Variants in ABLIM3 observed in about 807,000 individuals in gnomAD.
The protein encoded by ABLIM3 is actin binding LIM protein family member 3.
A neutral mutation model predicts 109.5 loss-of-function variants in ABLIM3; 61 were observed. The observed-to-expected ratio is 0.56, with a 90% confidence interval of 0.45 to 0.69. The LOEUF (loss-of-function observed/expected upper bound fraction) is 0.69, where lower values mean the gene tolerates loss of function less well. Ranked by LOEUF, ABLIM3 falls within the 30% of genes least tolerant of loss-of-function variation. The probability of loss-of-function intolerance (pLI) is 0.00; values close to 1 mark genes in which losing one functional copy is unlikely to be tolerated. For missense variants in ABLIM3, 796 were observed against 889.5 expected (o/e 0.89, Z 1.34); for synonymous variants, 300 against 324.8 (o/e 0.92, Z 0.82).
At chr5:149,205,621 A>G (rs1758892765) in intron 5 of ABLIM3, among the ~76,000 whole-genome samples, 1 of 152,134 alleles carries the variant, frequency 6.6e-6, no homozygotes, top group Non-Finnish European at 1.5e-5. Context: ...ATTATTGGGC[A>G]GGGGGTGCAA....
intron 8 of ABLIM3, among the ~76,000 whole-genome samples, chr5:149,226,150 A>G (rs975517727): frequency 6.6e-6 from 1 of 151,414 alleles, no homozygotes. Flanking sequence ...TGCTGCTGTC[A>G]TAAAGGCAGA....
chr5:149,188,894 C>A (rs1168165032), intron 3 of ABLIM3, among the ~76,000 whole-genome samples: 3 of 152,200 alleles, frequency 2.0e-5, no homozygotes, highest in East Asian at 3.9e-4. Context: ...TTTCAAGGGA[C>A]GGACATAGAA....
In ABLIM3 at chr5:149,258,920, T is replaced by C; in HGVS notation, c.*516T>C. On this transcript the variant is annotated 3_prime_UTR_variant, in exon 24 of 24. Transcript: ENST00000309868. ...CCCAATTAGGAGCTCAGTGCTCTCT[T>C]GGGGCAATGCAGTTAAAAGGGTGAG... 24 of 990,870 alleles carry C rather than the reference T, an allele frequency of 2.4e-5. No individual in the cohort carries two copies. The highest frequency in any genetic ancestry group is 2.9e-5 in the Non-Finnish European group (24 of 833,526). The allele number at this position is 990,870 out of a possible 1,614,324, so 61.4% of individuals were successfully genotyped here.
At chr5:149,170,371 G>T (rs1045131793) in intron 2 of ABLIM3, among the ~76,000 whole-genome samples, 2 of 151,972 alleles carry the variant, frequency 1.3e-5, no homozygotes, top group African/African-American at 4.8e-5. Context: ...TAGCAACCAG[G>T]TGGCTTTTCT....
intron 10 of ABLIM3, among the ~76,000 whole-genome samples, chr5:149,236,007 C>T (rs1762309570): frequency 6.6e-6 from 1 of 152,226 alleles, no homozygotes; most frequent in South Asian, 2.1e-4. Context: ...CATGCCCAGC[C>T]CACAGCCAGC....
Position 149,207,049 on chromosome 5 carries a change from C to G in ABLIM3, c.490C>G (p.Leu164Val), listed in dbSNP as rs1759050857. The change falls in exon 6 of 24, where the codon CTC (leucine) becomes GTC (valine). Residue 164 changes from leucine (L) to valine (V), a missense_variant. Physicochemically the swap from Leu to Val is conservative, Grantham distance 32. Coordinates refer to ENST00000309868, the MANE Select transcript of ABLIM3 (RefSeq NM_014945.5). ...GGAGGAGATCAAGCACGGCCAGTCA[C>G]TCCTGGCTCTGGACAAGCAGTGGCA... is the stretch of plus-strand genomic sequence containing the variant. The part of the protein sequence containing the change: ...CKEEIKHGQS[L>V]LALDKQWHVS... 1 of 1,613,954 alleles carries G rather than the reference C, an allele frequency of 6.2e-7. No individual in the cohort carries two copies. Among genetic ancestry groups the G allele is most frequent in the Non-Finnish European group, 8.5e-7 (1 of 1,179,998 alleles).
At chr5:149,206,814 C>A (rs900079528) in intron 5 of ABLIM3, among the ~76,000 whole-genome samples, 194 bp from the exon 6 acceptor site, 1 of 151,932 alleles carries the variant, frequency 6.6e-6, no homozygotes. Flanking sequence ...TACACCAAGA[C>A]CCCTTGTCAA....
In ABLIM3 at chr5:149,249,821, G is replaced by C. The variant is rs200975346; in HGVS notation, c.1706G>C (p.Arg569Pro). 1.9e-6 allele frequency: 3 copies of C among 1,613,950 alleles called. No homozygotes were observed. The highest frequency in any genetic ancestry group is 1.3e-5 in the African/African-American group (1 of 74,882). ...CAGCTTTTCTCTCCTGCAGCCCCTC[G>C]GTCGCACTACCTGGCTGACAGTGGT... is the stretch of plus-strand genomic sequence containing the variant. ...GYEMSLNGSP[R>P]SHYLADSDPL... The change falls in exon 19 of 24, where the codon CGG becomes CCG. Residue 569 changes from arginine (R) to proline (P), a missense_variant. By Grantham distance (103) the Arg-to-Pro change is moderately radical. Coordinates refer to ENST00000309868, the MANE Select transcript of ABLIM3 (RefSeq NM_014945.5).
At chr5:149,225,982 G>GTGTATATATA (rs1272837276) in intron 8 of ABLIM3, among the ~76,000 whole-genome samples, 3 of 45,518 alleles carry the variant, frequency 6.6e-5, no homozygotes, top group Admixed American at 3.2e-4. Flanking sequence ...GTGTGTGTGT[G>GTGTATATATA]TATATATATA....
rs757088335 is a variant in ABLIM3 at position 149,247,636 on chromosome 5, T to C, written c.1552-146T>C. The C allele has an allele frequency of 1.2e-5, 12 of 1,016,534 alleles. 1 individual carries two copies. In the South Asian group the frequency reaches 1.5e-4, roughly 13 times the overall value. 63.0% of individuals were successfully genotyped at this position (1,016,534 alleles called of 1,614,324 possible). On this transcript the variant is annotated intron_variant, in intron 17 of 23. Transcript: ENST00000309868. Reference sequence around the variant, plus strand: ...ATGAGATTGCAACAGGAAACATGGGTGCCACAAGGTGGGAGGGACGCTGGG... The same window carrying C: ...ATGAGATTGCAACAGGAAACATGGGCGCCACAAGGTGGGAGGGACGCTGGG...
At chr5:149,145,888 C>T (rs747794339) in intron 2 of ABLIM3, among the ~76,000 whole-genome samples, 6 of 151,980 alleles carry the variant, frequency 3.9e-5, no homozygotes, top group Admixed American at 6.6e-5. Context: ...CAAGCTCAAG[C>T]GATCCTCCCA....
intron 2 of ABLIM3, among the ~76,000 whole-genome samples, chr5:149,177,591 A>AG (rs1756059213): frequency 6.6e-6 from 1 of 152,196 alleles, no homozygotes. Context: ...CTCCAGAGAT[A>AG]GGGGGAGAAA....
intron 3 of ABLIM3, among the ~76,000 whole-genome samples, chr5:149,190,497 T>A (rs1051956639): frequency 6.6e-6 from 1 of 152,028 alleles, no homozygotes; most frequent in Admixed American, 6.6e-5. Context: ...CTGGGCAACA[T>A]AGCGAAGCCT....
chr5:149,192,648 A>G (rs1036710755), intron 3 of ABLIM3, among the ~76,000 whole-genome samples: 23 of 150,942 alleles, frequency 1.5e-4, no homozygotes, highest in African/African-American at 4.6e-4. Flanking sequence ...AAAAAAAAAA[A>G]AAAGAAAGAA....
At chr5:149,252,396 T>C in intron 22 of ABLIM3, 188 bp downstream of exon 22, 1 of 597,868 alleles carries the variant, frequency 1.7e-6, no homozygotes, top group Non-Finnish European at 2.9e-6. Flanking sequence ...GCCCTAGGTC[T>C]CTTGCCTACT....
At chr5:149,199,402 C>A (rs1758292696) in intron 4 of ABLIM3, among the ~76,000 whole-genome samples, 2 of 152,138 alleles carry the variant, frequency 1.3e-5, no homozygotes, top group Admixed American at 1.3e-4. Context: ...AACATAATCC[C>A]CTCGTGGAAT....
chr5:149,208,018 G>A (rs1285286295), intron 6 of ABLIM3, among the ~76,000 whole-genome samples: 1 of 152,244 alleles, frequency 6.6e-6, no homozygotes, highest in Non-Finnish European at 1.5e-5. Flanking sequence ...CTGATGCCAG[G>A]CAGTGGCAAG....
At position 149,258,462 on chromosome 5, in the gene ABLIM3, C is replaced by A; in HGVS notation, c.*58C>A. 1.3e-6 allele frequency: 2 copies of A among 1,540,312 alleles called. No homozygotes were observed. The highest frequency in any genetic ancestry group is 1.7e-6 in the Non-Finnish European group (2 of 1,149,754). On this transcript the variant is annotated 3_prime_UTR_variant, in exon 24 of 24. Transcript: ENST00000309868. ...TAAAGATATATGTAAAATCTCTCTACTGAAGCTCGGTATAATCCTCTCTTG... is the reference window on the plus strand; with the variant it reads ...TAAAGATATATGTAAAATCTCTCTAATGAAGCTCGGTATAATCCTCTCTTG...
chr5:149,182,753 A>G (rs1756575723), intron 2 of ABLIM3, among the ~76,000 whole-genome samples: 1 of 152,214 alleles, frequency 6.6e-6, no homozygotes, highest in Admixed American at 6.5e-5. Context: ...ACTCACCTGC[A>G]GCTCCCAGTG....
Sources: gnomAD v4.1 joint callset for allele counts (sites outside exome capture counted in the v4.1 genomes callset) on GRCh38, gnomAD v4.1.1 for gene constraint, MANE v1.5 for transcripts, NCBI Gene and HGNC (gene_info 2026-07-23, HGNC 2026-07-21) for gene names.